Variants in DNER observed in about 807,000 individuals in gnomAD.
DNER encodes the protein delta and Notch-like epidermal growth factor-related receptor.
DNER carries 33 observed loss-of-function variants against 78.2 expected under a neutral mutation model. The observed-to-expected ratio is 0.42, with a 90% confidence interval of 0.32 to 0.56. The LOEUF is 0.56. DNER is among the 20% of genes least tolerant of loss of function. The pLI is 0.11. For missense variants in DNER, 918 were observed against 975.3 expected (o/e 0.94, Z 0.78); for synonymous variants, 417 against 384.8 (o/e 1.08, Z -0.98).
intron 5 of DNER, among the ~76,000 whole-genome samples, chr2:229,541,839 C>CAT (rs3085474): frequency 0.079 from 11,583 of 146,672 alleles, 613 homozygotes; most frequent in East Asian, 0.16. Flanking sequence ...TAAAACAAAT[C>CAT]ATATATATAT....
intron 1 of DNER, among the ~76,000 whole-genome samples, chr2:229,663,785 A>AT (rs1459569291): frequency 4.6e-5 from 7 of 152,052 alleles, no homozygotes; most frequent in Non-Finnish European, 5.9e-5. Context: ...CTAGTTTTTA[A>AT]TTTTTTCCTG....
intron 6 of DNER, among the ~76,000 whole-genome samples, chr2:229,509,192 C>A (rs1695812071): frequency 6.6e-6 from 1 of 152,080 alleles, no homozygotes; most frequent in South Asian, 2.1e-4. Flanking sequence ...AAGATGAATC[C>A]CCTTTGAGAA....
chr2:229,588,513 A>C, intron 2 of DNER, 25 bp from the exon 3 acceptor site: 2 of 1,565,604 alleles, frequency 1.3e-6, no homozygotes, highest in Non-Finnish European at 1.8e-6. Flanking sequence ...AAAAAACGAC[A>C]TATGATTGGG....
chr2:229,449,808 G>C (rs1478187077), intron 7 of DNER, among the ~76,000 whole-genome samples: 2 of 152,306 alleles, frequency 1.3e-5, no homozygotes, highest in South Asian at 4.1e-4. Flanking sequence ...TTTTGAGACA[G>C]AGTCTCACTC....
At chr2:229,672,147 G>A (rs948229236) in intron 1 of DNER, among the ~76,000 whole-genome samples, 5 of 152,262 alleles carry the variant, frequency 3.3e-5, no homozygotes, top group East Asian at 1.9e-4. Flanking sequence ...TCAGGGGCTC[G>A]GCAGGAATAG....
intron 1 of DNER, among the ~76,000 whole-genome samples, chr2:229,613,224 A>G (rs1248433968): frequency 6.6e-6 from 1 of 152,188 alleles, no homozygotes; most frequent in East Asian, 1.9e-4. Context: ...CTGGTAACAG[A>G]AAAAAATAAA....
chr2:229,650,848 C>T (rs1231543366), intron 1 of DNER, among the ~76,000 whole-genome samples: 1 of 152,164 alleles, frequency 6.6e-6, no homozygotes, highest in Non-Finnish European at 1.5e-5. Flanking sequence ...CTGAAGGGCC[C>T]TGGGACGCAT....
intron 1 of DNER, among the ~76,000 whole-genome samples, chr2:229,682,520 TG>T (rs1403979199): frequency 6.6e-6 from 1 of 151,956 alleles, no homozygotes; most frequent in Non-Finnish European, 1.5e-5. Flanking sequence ...AAAGTTAAAC[TG>T]GTTACTTCAT....
intron 4 of DNER, among the ~76,000 whole-genome samples, chr2:229,584,685 T>C (rs1229804670): frequency 2.0e-5 from 3 of 151,966 alleles, no homozygotes; most frequent in African/African-American, 7.2e-5. Context: ...AATCCCAGCA[T>C]TTTGGGAGGC....
intron 8 of DNER, among the ~76,000 whole-genome samples, chr2:229,419,903 G>T (rs1483224041): frequency 6.7e-6 from 1 of 148,424 alleles, no homozygotes; most frequent in Non-Finnish European, 1.5e-5. Context: ...GAGGCAGGGG[G>T]AGGGGTTGCT....
intron 11 of DNER, among the ~76,000 whole-genome samples, chr2:229,376,100 A>T (rs1692593052): frequency 6.6e-6 from 1 of 152,172 alleles, no homozygotes; most frequent in Admixed American, 6.5e-5. Context: ...CTTCCCAGCC[A>T]TGCTGAAATG....
At chr2:229,635,448 A>G (rs888184442) in intron 1 of DNER, among the ~76,000 whole-genome samples, 1 of 151,214 alleles carries the variant, frequency 6.6e-6, no homozygotes, top group African/African-American at 2.4e-5. Context: ...GGCACACTGT[A>G]TGATACTGAT....
intron 8 of DNER, among the ~76,000 whole-genome samples, chr2:229,435,370 A>G (rs898454746): frequency 6.6e-6 from 1 of 152,208 alleles, no homozygotes; most frequent in Non-Finnish European, 1.5e-5. Flanking sequence ...AATAGAGAAG[A>G]GACATCCCAG....
At chr2:229,513,082 C>A (rs192863974) in intron 5 of DNER, 146 bp from the exon 6 acceptor site, 261 of 939,352 alleles carry the variant, frequency 2.8e-4, no homozygotes, top group Non-Finnish European at 3.6e-4. Flanking sequence ...TAGTTGAAAT[C>A]ATCGCTTTAA....
intron 1 of DNER, among the ~76,000 whole-genome samples, chr2:229,633,495 A>C (rs1449843153): frequency 1.3e-5 from 2 of 152,270 alleles, no homozygotes; most frequent in Non-Finnish European, 2.9e-5. Context: ...GTGGGAACTA[A>C]ACAACTAAGA....
intron 8 of DNER, among the ~76,000 whole-genome samples, chr2:229,441,106 C>G (rs1039323567): frequency 1.3e-5 from 2 of 152,156 alleles, no homozygotes; most frequent in Non-Finnish European, 2.9e-5. Flanking sequence ...GCCTTACTAC[C>G]TATTGCTGCA....
intron 11 of DNER, among the ~76,000 whole-genome samples, chr2:229,387,676 A>G (rs1032489178): frequency 1.3e-5 from 2 of 152,114 alleles, no homozygotes; most frequent in African/African-American, 4.8e-5. Context: ...AAGGTATAAA[A>G]TCTTGATTAA....
At chr2:229,638,683 A>T (rs1283490037) in intron 1 of DNER, among the ~76,000 whole-genome samples, 3 of 152,230 alleles carry the variant, frequency 2.0e-5, no homozygotes, top group Non-Finnish European at 4.4e-5. Flanking sequence ...AAATAAATTG[A>T]TCAAGTGCAG....
At chr2:229,557,784 A>T (rs186841150) in intron 4 of DNER, among the ~76,000 whole-genome samples, 141 of 152,300 alleles carry the variant, frequency 9.3e-4, no homozygotes, top group Middle Eastern at 6.8e-3. Flanking sequence ...GAAATGGAGG[A>T]AAGAAAATGA....
Sources: allele counts gnomAD v4.1 joint callset (sites outside exome capture counted in the v4.1 genomes callset), GRCh38; gene constraint gnomAD v4.1.1; transcripts MANE v1.5; gene names NCBI Gene and HGNC (gene_info 2026-07-23, HGNC 2026-07-21).